Variants in BTG4 observed in about 807,000 individuals in gnomAD.
The protein encoded by BTG4 is protein BTG4.
BTG4 carries 10 observed loss-of-function variants against 19.3 expected under a neutral mutation model. That is an observed-to-expected ratio of 0.52 (90% CI 0.32 to 0.88). BTG4 has a LOEUF of 0.88. BTG4 is among the 40% of genes least tolerant of loss of function. The probability of loss-of-function intolerance (pLI) is 0.04; values close to 1 mark genes in which losing one functional copy is unlikely to be tolerated. For missense variants in BTG4, 238 were observed against 281.9 expected (o/e 0.84, Z 1.11); for synonymous variants, 91 against 95.7 (o/e 0.95, Z 0.29).
intron 1 of BTG4, among the ~76,000 whole-genome samples, chr11:111,505,606 G>A (rs762045344): frequency 4.0e-5 from 6 of 151,740 alleles, no homozygotes; most frequent in Non-Finnish European, 7.4e-5. Context: ...AAACACAAAC[G>A]CAATAAAAAA....
intron 5 of BTG4, among the ~76,000 whole-genome samples, chr11:111,473,107 CT>C (rs992412675): frequency 1.9e-4 from 29 of 151,870 alleles, no homozygotes; most frequent in African/African-American, 7.0e-4. Flanking sequence ...CCAAACTTGC[CT>C]AAGACATAGC....
the BTG4 span, chr11:111,454,374 G>C: frequency 2.2e-6 from 1 of 451,600 alleles, no homozygotes; most frequent in African/African-American, 2.0e-5. Flanking sequence ...GGCAGCTCCA[G>C]GCAACACTTC....
the BTG4 span, chr11:111,451,273 A>C: frequency 5.3e-6 from 2 of 378,404 alleles, no homozygotes; most frequent in Admixed American, 2.7e-5. Flanking sequence ...ACACTGGAGC[A>C]ATATGACTGG....
At chr11:111,474,370 C>A (rs538666281) in intron 5 of BTG4, among the ~76,000 whole-genome samples, 2 of 152,252 alleles carry the variant, frequency 1.3e-5, no homozygotes, top group Admixed American at 1.3e-4. Flanking sequence ...AGAGTAACCA[C>A]CATCCTGACT....
the BTG4 span, among the ~76,000 whole-genome samples, chr11:111,398,810 G>A: frequency 6.6e-6 from 1 of 151,810 alleles, no homozygotes; most frequent in African/African-American, 2.4e-5. Context: ...ACATTATAGA[G>A]TTTGAATGGG....
the BTG4 span, among the ~76,000 whole-genome samples, chr11:111,444,046 T>A: frequency 1.3e-5 from 2 of 152,154 alleles, no homozygotes; most frequent in Non-Finnish European, 2.9e-5. Flanking sequence ...AGAATTATTT[T>A]TTATGGGGAG....
chr11:111,409,911 T>C, the BTG4 span, among the ~76,000 whole-genome samples: 57 of 152,326 alleles, frequency 3.7e-4, no homozygotes, highest in African/African-American at 1.0e-3. Flanking sequence ...ATTGGAGTGA[T>C]AAGTAACTTG....
chr11:111,385,552 A>G, the BTG4 span: 1 of 152,036 alleles, frequency 6.6e-6, no homozygotes, highest in Non-Finnish European at 1.5e-5. Context: ...TAGTATATTA[A>G]GGACTAATAC....
chr11:111,473,784 G>C (rs1864223051), intron 5 of BTG4, among the ~76,000 whole-genome samples: 1 of 152,126 alleles, frequency 6.6e-6, no homozygotes, highest in Non-Finnish European at 1.5e-5. Flanking sequence ...CTAGAGAGAA[G>C]GAACTGAGGA....
chr11:111,446,242 C>A, the BTG4 span, among the ~76,000 whole-genome samples: 2 of 152,190 alleles, frequency 1.3e-5, no homozygotes, highest in Non-Finnish European at 1.5e-5. Context: ...CCTGGCCTCA[C>A]CTCCTATTAC....
In BTG4 at chr11:111,494,888, T is replaced by C; in HGVS notation, c.*247A>G. 22 of 984,520 alleles carry C rather than the reference T, an allele frequency of 2.2e-5. No individual in the cohort carries two copies. The highest frequency in any genetic ancestry group is 4.7e-5 in the South Asian group (1 of 21,262). The allele number at this position is 984,520 out of a possible 1,614,324, so 61.0% of individuals were successfully genotyped here. On this transcript the variant is annotated 3_prime_UTR_variant, in exon 5 of 5. Coordinates refer to ENST00000692032, the MANE Select transcript of BTG4 (RefSeq NM_001367975.1). ...TTGAGTCTTATTAGAGGTCAACATC[T>C]TCATTCTGTTACCTTACTGGGTACA...
At chr11:111,450,920 C>T in the BTG4 span, 1 of 156,926 alleles carries the variant, frequency 6.4e-6, no homozygotes, top group South Asian at 2.0e-4. Context: ...ACAAACCCAT[C>T]TGAAGAGTGG....
At chr11:111,451,084 T>C in the BTG4 span, 1 of 185,398 alleles carries the variant, frequency 5.4e-6, no homozygotes, top group East Asian at 1.2e-4. Flanking sequence ...TCCAAGTCAA[T>C]GATACCCTGG....
chr11:111,413,821 A>C, the BTG4 span, among the ~76,000 whole-genome samples: 15 of 152,224 alleles, frequency 9.9e-5, no homozygotes, highest in Non-Finnish European at 1.9e-4. Flanking sequence ...AGCAGGTAGG[A>C]TGGATGTCTT....
At chr11:111,496,984 G>T in intron 4 of BTG4, 1 of 415,240 alleles carries the variant, frequency 2.4e-6, no homozygotes, top group Non-Finnish European at 4.2e-6. Flanking sequence ...TGAAGAAATA[G>T]GACAATAAAA....
At chr11:111,482,741 T>C (rs745616145) in intron 5 of BTG4, among the ~76,000 whole-genome samples, 1 of 151,534 alleles carries the variant, frequency 6.6e-6, no homozygotes, top group Non-Finnish European at 1.5e-5. Flanking sequence ...TGGATATTCA[T>C]AGAGGAGAAA....
chr11:111,419,974 C>G, the BTG4 span, among the ~76,000 whole-genome samples: 1 of 152,208 alleles, frequency 6.6e-6, no homozygotes, highest in Non-Finnish European at 1.5e-5. Context: ...ATTGCCAAGA[C>G]AGGAGGGAGG....
the BTG4 span, among the ~76,000 whole-genome samples, chr11:111,389,732 A>G: frequency 6.6e-6 from 1 of 152,258 alleles, no homozygotes; most frequent in East Asian, 1.9e-4. Context: ...AAGGTATAAT[A>G]AATGTAACAG....
chr11:111,451,310 G>A, the BTG4 span: 1 of 420,764 alleles, frequency 2.4e-6, no homozygotes, highest in Non-Finnish European at 5.0e-6. Context: ...TGGCTGAGGA[G>A]TCCCAGCTCT....
Sources: gnomAD v4.1 joint callset for allele counts (sites outside exome capture counted in the v4.1 genomes callset) on GRCh38, gnomAD v4.1.1 for gene constraint, MANE v1.5 for transcripts, NCBI Gene and HGNC (gene_info 2026-07-23, HGNC 2026-07-21) for gene names.